Variants in PCDHA13 observed in about 807,000 individuals in gnomAD.
PCDHA13 encodes the protein protocadherin alpha-13.
In PCDHA13, 54 loss-of-function variants were observed where a neutral mutation model predicts 64.8. The ratio of observed to expected loss-of-function variants is 0.83; its 90% CI spans 0.67 to 1.04. The LOEUF (loss-of-function observed/expected upper bound fraction) is 1.04. Ranked by LOEUF, PCDHA13 falls within the 50% of genes least tolerant of loss-of-function variation. PCDHA13 has a pLI of 0.00. For missense variants in PCDHA13, 1,248 were observed against 1,254.3 expected, an observed-to-expected ratio of 0.99 and a Z score of 0.08; for synonymous variants, 587 against 564.4, an observed-to-expected ratio of 1.04 and a Z score of -0.57.
chr5:140,987,043 A>G (rs1406153632), intron 3 of PCDHA13, among the ~76,000 whole-genome samples: 5 of 151,912 alleles, frequency 3.3e-5, no homozygotes, highest in Non-Finnish European at 7.4e-5. Flanking sequence ...GCGAAACCCC[A>G]TCTCTACTAA....
intron 1 of PCDHA13, chr5:140,969,437 T>C (rs1429370144): frequency 1.8e-5 from 28 of 1,547,818 alleles, no homozygotes; most frequent in Non-Finnish European, 2.4e-5. Context: ...ACAAGAGTTA[T>C]CTGGTAAACT....
At chr5:140,924,765 C>T (rs574213548) in intron 1 of PCDHA13, among the ~76,000 whole-genome samples, 2 of 151,640 alleles carry the variant, frequency 1.3e-5, no homozygotes, top group Non-Finnish European at 2.9e-5. Context: ...CATGGTGGTG[C>T]GCGCTTGTAG....
At chr5:140,968,455 G>C in intron 1 of PCDHA13, 2 of 1,614,084 alleles carry the variant, frequency 1.2e-6, no homozygotes, top group Non-Finnish European at 1.7e-6. Context: ...GCAGCACTGT[G>C]ACTGCCAACG....
rs1439259875 is a variant in PCDHA13 at position 141,011,882 on chromosome 5, GATTA to G, written c.*1950_*1953del. On this transcript the variant is annotated 3_prime_UTR_variant, in exon 4 of 4. Coordinates refer to ENST00000289272, the MANE Select transcript of PCDHA13 (RefSeq NM_018904.3). ...GTTATAATGTACAATTTAGAAGTTTGATTAATTATATTATCTATTTAGGCATTAA... is the reference window on the plus strand; with the variant it reads ...GTTATAATGTACAATTTAGAAGTTTGATTATATTATCTATTTAGGCATTAA... 2.0e-5 allele frequency: 3 copies of G among 153,360 alleles called. No homozygotes were observed. Among genetic ancestry groups the G allele is most frequent in the Non-Finnish European group, 4.4e-5 (3 of 68,010 alleles). 9.5% of individuals were successfully genotyped at this position (153,360 alleles called of 1,614,324 possible).
chr5:140,910,708 A>G (rs1227801513), intron 1 of PCDHA13, among the ~76,000 whole-genome samples: 2 of 152,164 alleles, frequency 1.3e-5, no homozygotes, highest in African/African-American at 4.8e-5. Context: ...ACAGTGGGCC[A>G]TCTTTTAATC....
chr5:140,897,937 C>T (rs1487544322), intron 1 of PCDHA13, among the ~76,000 whole-genome samples: 7 of 152,184 alleles, frequency 4.6e-5, no homozygotes, highest in African/African-American at 1.7e-4. Flanking sequence ...CTCTGATGGC[C>T]AGTGATGATT....
intron 1 of PCDHA13, among the ~76,000 whole-genome samples, chr5:140,899,419 A>G (rs1583341890): frequency 6.6e-6 from 1 of 152,318 alleles, no homozygotes; most frequent in Non-Finnish European, 1.5e-5. Flanking sequence ...GAATTTTGTC[A>G]AAGGTCTTTT....
intron 1 of PCDHA13, among the ~76,000 whole-genome samples, chr5:140,951,315 C>T (rs782114634): frequency 6.6e-6 from 1 of 151,988 alleles, no homozygotes. Context: ...ATGTGTTATT[C>T]TTGAGATTCA....
At chr5:140,997,044 T>C (rs2097756836) in intron 3 of PCDHA13, among the ~76,000 whole-genome samples, 1 of 152,180 alleles carries the variant, frequency 6.6e-6, no homozygotes, top group South Asian at 2.1e-4. Flanking sequence ...TGAACTTTAC[T>C]TTTTAGAGCA....
At chr5:140,909,438 T>C (rs2074496860) in intron 1 of PCDHA13, among the ~76,000 whole-genome samples, 1 of 152,222 alleles carries the variant, frequency 6.6e-6, no homozygotes, top group Non-Finnish European at 1.5e-5. Context: ...GATAATCCAC[T>C]GTCATTCTCC....
intron 1 of PCDHA13, chr5:140,966,944 A>C: frequency 6.2e-7 from 1 of 1,603,894 alleles, no homozygotes; most frequent in Non-Finnish European, 8.5e-7. Context: ...GCTCGTGGGC[A>C]ACGTGGCTCG....
chr5:140,966,166 C>T (rs1159533172), intron 1 of PCDHA13: 1 of 179,138 alleles, frequency 5.6e-6, no homozygotes, highest in Non-Finnish European at 1.2e-5. Flanking sequence ...GAGATCTTTT[C>T]CTGGGGAGCT....
intron 1 of PCDHA13, among the ~76,000 whole-genome samples, chr5:140,948,089 G>A (rs1348120900): frequency 6.6e-6 from 1 of 151,454 alleles, no homozygotes; most frequent in African/African-American, 2.4e-5. Flanking sequence ...CTATTGATAT[G>A]AGCATATGAT....
At chr5:140,969,309 A>G in intron 1 of PCDHA13, 2 of 1,614,212 alleles carry the variant, frequency 1.2e-6, no homozygotes, top group Non-Finnish European at 1.7e-6. Context: ...ATTCTCAAAA[A>G]TGAGGCTGTT....
chr5:140,965,794 C>T (rs1554227851), intron 1 of PCDHA13, among the ~76,000 whole-genome samples: 1 of 152,170 alleles, frequency 6.6e-6, no homozygotes, highest in Non-Finnish European at 1.5e-5. Flanking sequence ...TTCATGGAGA[C>T]TATTTTTTTA....
At chr5:140,969,819 A>G (rs2096362307) in intron 1 of PCDHA13, among the ~76,000 whole-genome samples, 1 of 152,168 alleles carries the variant, frequency 6.6e-6, no homozygotes, top group African/African-American at 2.4e-5. Context: ...TATACTCTGG[A>G]CTGTCTACAG....
At chr5:140,993,996 G>C (rs1163632974) in intron 3 of PCDHA13, among the ~76,000 whole-genome samples, 1 of 152,148 alleles carries the variant, frequency 6.6e-6, no homozygotes, top group Non-Finnish European at 1.5e-5. Flanking sequence ...CTTAGGTCAG[G>C]CCAGGCTCTG....
chr5:140,953,542 A>G (rs2094901319), intron 1 of PCDHA13, among the ~76,000 whole-genome samples: 1 of 152,080 alleles, frequency 6.6e-6, no homozygotes, highest in Admixed American at 6.6e-5. Flanking sequence ...CTTCATGCTG[A>G]TTCTTTTCTC....
At chr5:141,008,352 A>C (rs549122044) in intron 3 of PCDHA13, among the ~76,000 whole-genome samples, 2 of 152,322 alleles carry the variant, frequency 1.3e-5, no homozygotes, top group South Asian at 4.1e-4. Flanking sequence ...TTCACGTGTC[A>C]ACCAAAGGAG....
Sources: gnomAD v4.1 joint callset for allele counts (sites outside exome capture counted in the v4.1 genomes callset) on GRCh38, gnomAD v4.1.1 for gene constraint, MANE v1.5 for transcripts, NCBI Gene and HGNC (gene_info 2026-07-23, HGNC 2026-07-21) for gene names.